The following FBXO10 variants were observed in gnomAD, a reference collection of about 807,000 sequenced individuals.
FBXO10 encodes F-box protein 10.
In FBXO10, 39 loss-of-function variants were observed where a neutral mutation model predicts 80.7. The observed-to-expected ratio is 0.48, with a 90% CI of 0.37 to 0.63. The LOEUF is 0.63. FBXO10 is among the 30% of genes least tolerant of loss of function. FBXO10 has a pLI of 0.00. For synonymous variants in FBXO10, 449 were observed against 489.6 expected, an observed-to-expected ratio of 0.92 and a Z score of 1.09; for missense variants, 1,025 against 1,269.0, an observed-to-expected ratio of 0.81 and a Z score of 2.92.
At chr9:37,566,147 A>C (rs557111513) in intron 1 of FBXO10, among the ~76,000 whole-genome samples, 1 of 152,308 alleles carries the variant, frequency 6.6e-6, no homozygotes, top group African/African-American at 2.4e-5. Context: ...GGCTTCATTC[A>C]CACTCTAGTT....
chr9:37,538,564 T>A (rs1465907332), intron 2 of FBXO10, among the ~76,000 whole-genome samples: 1 of 151,990 alleles, frequency 6.6e-6, no homozygotes, highest in Middle Eastern at 3.2e-3. Context: ...AAAAATTAGC[T>A]GGGCGTGGTG....
intron 1 of FBXO10, among the ~76,000 whole-genome samples, chr9:37,565,934 A>G (rs1025250991): frequency 1.3e-5 from 2 of 152,174 alleles, no homozygotes; most frequent in African/African-American, 4.8e-5. Flanking sequence ...GGCTTAGGAC[A>G]TGTTGGGAGG....
intron 1 of FBXO10, among the ~76,000 whole-genome samples, chr9:37,562,042 C>T (rs1490785436): frequency 6.6e-6 from 1 of 152,178 alleles, no homozygotes; most frequent in Admixed American, 6.5e-5. Flanking sequence ...GAACAACCTC[C>T]CTCACAGCAC....
In FBXO10 at chr9:37,541,275, G is replaced by A. The variant is rs2119126369; in HGVS notation, c.494C>T (p.Ala165Val). The change falls in exon 2 of 11, where the codon GCC (alanine) becomes GTC (valine). Residue 165 changes from alanine (A) to valine (V), a missense_variant. Physicochemically the swap from Ala to Val is moderately conservative, Grantham distance 64 (BLOSUM62 0). Transcript: ENST00000432825. ...IVGQGKLGEV[A>V]LLASIDQHCS... ...GTGCTGATCAATGCTGGCCAGCAGG[G>A]CCACTTCACCCAACTTCCCCTGCCC... is the stretch of plus-strand genomic sequence containing the variant. 1 of 1,613,954 alleles carries A rather than the reference G, an allele frequency of 6.2e-7. No homozygotes were observed. Among genetic ancestry groups the A allele is most frequent in the Non-Finnish European group, 8.5e-7 (1 of 1,179,890 alleles).
chr9:37,514,215 T>C (rs1351886060), intron 10 of FBXO10, among the ~76,000 whole-genome samples: 6 of 152,200 alleles, frequency 3.9e-5, no homozygotes, highest in Admixed American at 3.3e-4. Context: ...TTGGGAGGAC[T>C]GTATGTATTT....
chr9:37,554,727 A>G (rs946086556), intron 1 of FBXO10, among the ~76,000 whole-genome samples: 3 of 152,326 alleles, frequency 2.0e-5, no homozygotes, highest in Middle Eastern at 3.4e-3. Context: ...TTCATTCAGC[A>G]TAATATTTTG....
At chr9:37,517,273 A>T (rs1435218834) in intron 9 of FBXO10, among the ~76,000 whole-genome samples, 2 of 152,166 alleles carry the variant, frequency 1.3e-5, no homozygotes, top group Admixed American at 1.3e-4. Flanking sequence ...ACACTGCTTG[A>T]GTGACAGGGG....
intron 5 of FBXO10, among the ~76,000 whole-genome samples, chr9:37,528,582 TCAG>T (rs1179509970): frequency 6.6e-6 from 1 of 152,142 alleles, no homozygotes; most frequent in Non-Finnish European, 1.5e-5. Flanking sequence ...ATCCTCCTAG[TCAG>T]AATGAGTCTC....
chr9:37,535,360 T>TA (rs987285698), intron 3 of FBXO10, among the ~76,000 whole-genome samples: 9 of 150,214 alleles, frequency 6.0e-5, no homozygotes, highest in African/African-American at 2.0e-4. Context: ...TTTTTATTTT[T>TA]TTTTTGGAGA....
At chr9:37,538,606 G>A (rs1821837649) in intron 2 of FBXO10, among the ~76,000 whole-genome samples, 1 of 151,820 alleles carries the variant, frequency 6.6e-6, no homozygotes, top group Non-Finnish European at 1.5e-5. Context: ...TACTTGGGAG[G>A]CTGAGGAATG....
chr9:37,575,244 G>A (rs1266003672), intron 1 of FBXO10, among the ~76,000 whole-genome samples: 1 of 152,034 alleles, frequency 6.6e-6, no homozygotes, highest in Non-Finnish European at 1.5e-5. Context: ...GACTCATATG[G>A]TAGGAACAAC....
At chr9:37,539,140 C>A (rs183284177) in intron 2 of FBXO10, among the ~76,000 whole-genome samples, 137 of 152,348 alleles carry the variant, frequency 9.0e-4, no homozygotes, top group Non-Finnish European at 1.5e-3. Context: ...GACGTACCTA[C>A]CCCTTGAATA....
At chr9:37,558,364 C>G (rs565856985) in intron 1 of FBXO10, among the ~76,000 whole-genome samples, 1 of 152,250 alleles carries the variant, frequency 6.6e-6, no homozygotes, top group East Asian at 1.9e-4. Context: ...AACCACCAAC[C>G]CTCATAAATG....
intron 1 of FBXO10, among the ~76,000 whole-genome samples, chr9:37,548,935 A>G (rs902887028): frequency 4.4e-4 from 67 of 152,238 alleles, no homozygotes; most frequent in African/African-American, 1.6e-3. Context: ...ATTTTAGTAC[A>G]GACGGGGTTT....
chr9:37,513,891 C>T (rs911470034), intron 10 of FBXO10, among the ~76,000 whole-genome samples: 1 of 152,000 alleles, frequency 6.6e-6, no homozygotes, highest in Non-Finnish European at 1.5e-5. Flanking sequence ...CACCCGGCCA[C>T]GATTTCTTTT....
At chr9:37,533,908 CA>C (rs1485246949) in intron 3 of FBXO10, among the ~76,000 whole-genome samples, 1 of 149,982 alleles carries the variant, frequency 6.7e-6, no homozygotes, top group African/African-American at 2.4e-5. Context: ...AACCAACAAA[CA>C]AAAAAACCCA....
At chr9:37,547,067 T>C (rs1342788320) in intron 1 of FBXO10, among the ~76,000 whole-genome samples, 3 of 152,204 alleles carry the variant, frequency 2.0e-5, no homozygotes, top group Non-Finnish European at 4.4e-5. Flanking sequence ...CTCCTAGTTA[T>C]TTATACAAGA....
intron 7 of FBXO10, chr9:37,522,584 C>A: frequency 7.7e-7 from 1 of 1,290,588 alleles, no homozygotes; most frequent in Non-Finnish European, 9.9e-7. Context: ...CTGTCTTTTG[C>A]TATTTTAAAA....
intron 1 of FBXO10, among the ~76,000 whole-genome samples, chr9:37,574,660 C>T (rs761065860): frequency 6.6e-6 from 1 of 152,174 alleles, no homozygotes; most frequent in Non-Finnish European, 1.5e-5. Context: ...ATTCAGGCCT[C>T]TCTGTGTGCT....
Sources: gnomAD v4.1 joint callset for allele counts (sites outside exome capture counted in the v4.1 genomes callset) on GRCh38, gnomAD v4.1.1 for gene constraint, MANE v1.5 for transcripts, NCBI Gene and HGNC (gene_info 2026-07-23, HGNC 2026-07-21) for gene names.